MYH10: variants seen among roughly 807,000 people sequenced by gnomAD.
MYH10 encodes myosin heavy chain 10.
In MYH10, 55 loss-of-function variants were observed where a neutral mutation model predicts 257.8. The ratio of observed to expected loss-of-function variants is 0.21; its 90% CI spans 0.17 to 0.27. The LOEUF (loss-of-function observed/expected upper bound fraction) is 0.27, where lower values mean the gene tolerates loss of function less well. Ranked by LOEUF, MYH10 falls within the 10% of genes least tolerant of loss-of-function variation. The probability of loss-of-function intolerance (pLI) is 1.00; values close to 1 mark genes in which losing one functional copy is unlikely to be tolerated. For missense variants in MYH10, 1,631 were observed against 2,500.6 expected (o/e 0.65, Z 7.42); for synonymous variants, 854 against 921.7 (o/e 0.93, Z 1.33).
chr17:8,599,338 T>G (rs2084505504), intron 3 of MYH10, among the ~76,000 whole-genome samples: 1 of 152,218 alleles, frequency 6.6e-6, no homozygotes, highest in African/African-American at 2.4e-5. Flanking sequence ...TTCTTTAATA[T>G]TCTTTTTTTC....
rs2081028202 is a variant in MYH10 at position 8,504,988 on chromosome 17, C to T, written c.3387-82G>A. 8.6e-7 allele frequency: 1 copy of T among 1,167,130 alleles called. No homozygotes were observed. The highest frequency in any genetic ancestry group is 1.3e-5 in the South Asian group (1 of 74,730). The allele number at this position is 1,167,130 out of a possible 1,614,324, so 72.3% of individuals were successfully genotyped here. On this transcript the variant is annotated intron_variant, in intron 27 of 42. Coordinates refer to ENST00000360416, the MANE Select transcript of MYH10 (RefSeq NM_001256012.3). The surrounding 1 kb of genome is among the most constrained non-coding windows in gnomAD (Gnocchi z 5.6). ...TCTCAGGCGAGCCCCAGCCCCTGAG[C>T]ACCTCTCCACGAGACCCCAGCCCCA...
chr17:8,521,192 A>G lies in MYH10; in HGVS notation c.2051T>C (p.Val684Ala), dbSNP rs755696872. 1.9e-6 allele frequency: 3 copies of G among 1,614,118 alleles called. No individual in the cohort carries two copies. Among genetic ancestry groups the G allele is most frequent in the Non-Finnish European group, 1.7e-6 (2 of 1,180,040 alleles). ...YKTKKGMFRT[V>A]GQLYKESLTK... is the part of the protein sequence containing the mutation. Reference sequence around the variant, plus strand: ...GAGAGATTCTTTGTAGAGTTGCCCAACGGTACGAAACATGCCCTTCTTGGT... The same window carrying G: ...GAGAGATTCTTTGTAGAGTTGCCCAGCGGTACGAAACATGCCCTTCTTGGT... Residue 684 changes from valine to alanine, a missense_variant, in exon 18 of 43, where the codon GTT (valine) becomes GCT (alanine). Coordinates refer to ENST00000360416, the MANE Select transcript of MYH10 (RefSeq NM_001256012.3).
chr17:8,593,545 T>G (rs1304850686), intron 3 of MYH10, among the ~76,000 whole-genome samples: 1 of 152,152 alleles, frequency 6.6e-6, no homozygotes, highest in East Asian at 1.9e-4. Flanking sequence ...CAATTTGAAA[T>G]TGAAATTTTG....
In MYH10 at chr17:8,569,806, G is replaced by C; in HGVS notation, c.670C>G (p.Leu224Val). 2 of 1,610,274 alleles carry C rather than the reference G, an allele frequency of 1.2e-6. No homozygotes were observed. The highest frequency in any genetic ancestry group is 1.7e-6 in the Non-Finnish European group (2 of 1,177,764). Residue 224 changes from leucine to valine, a missense_variant, in exon 7 of 43, where the codon CTT becomes GTT. Leu to Val is a conservative substitution (Grantham distance 32, BLOSUM62 1). Coordinates refer to ENST00000360416, the MANE Select transcript of MYH10 (RefSeq NM_001256012.3). This position sits in a 1 kb window ranked among gnomAD's most constrained non-coding sequence, Gnocchi z 4.1. ...TTTGCTTGCAAAAGCTGCCGTTCAA[G>C]TTCCCCCTAAAAGACATTACACACA... ...SPKPVKHQGE[L>V]ERQLLQANPI...
Position 8,499,330 on chromosome 17 carries a change from G to C in MYH10, c.3891C>G (p.Ala1297=). The change falls in exon 30 of 43, where the codon GCC becomes GCG. Residue 1297 remains alanine, a synonymous_variant. Coordinates refer to ENST00000360416, the MANE Select transcript of MYH10 (RefSeq NM_001256012.3). ...KLDAQVQELH[A]KVSEGDRLRV... ...TGAGCCTGTCGCCTTCAGAGACCTT[G>C]GCATGGAGCTCCTGGACCTGCGCGT... 1.2e-6 allele frequency: 2 copies of C among 1,614,054 alleles called. No individual in the cohort carries two copies. Among genetic ancestry groups the C allele is most frequent in the Non-Finnish European group, 1.7e-6 (2 of 1,180,030 alleles).
At chr17:8,500,771 T>C in intron 29 of MYH10, 55 bp downstream of exon 29, 1 of 1,582,748 alleles carries the variant, frequency 6.3e-7, no homozygotes, top group East Asian at 2.2e-5. Context: ...AGGATGGGAG[T>C]GGCTCTGACG....
At chr17:8,614,894 C>A (rs2085197276) in intron 2 of MYH10, among the ~76,000 whole-genome samples, 1 of 152,114 alleles carries the variant, frequency 6.6e-6, no homozygotes, top group African/African-American at 2.4e-5. Context: ...TAAAAGAAAA[C>A]ATGACTATTA....
At chr17:8,511,241 T>C (rs1331458900) in intron 24 of MYH10, 2 of 151,932 alleles carry the variant, frequency 1.3e-5, no homozygotes, top group Admixed American at 6.6e-5. Context: ...AAACCCAGGC[T>C]GGGCGCAGTG....
chr17:8,560,599 G>A lies in MYH10; in HGVS notation c.757-6581C>T, dbSNP rs1201567857. The A allele has an allele frequency of 7.8e-6, 7 of 899,712 alleles. No individual in the cohort carries two copies. In the East Asian group the frequency reaches 2.9e-4, roughly 37 times the overall value. The allele number at this position is 899,712 out of a possible 1,614,324, so 55.7% of individuals were successfully genotyped here. ...AAACTTTCGTGCACTGAGCACTGGA[G>A]GAAAAGGATTTGGTTATAAGGGTTC... On this transcript the variant is annotated intron_variant, in intron 7 of 42. Transcript: ENST00000360416.
chr17:8,549,414 C>T (rs1262676184), intron 9 of MYH10, among the ~76,000 whole-genome samples: 1 of 152,208 alleles, frequency 6.6e-6, no homozygotes, highest in African/African-American at 2.4e-5. Context: ...CCGTAGGAGA[C>T]ATGAATTAAA....
Position 8,577,829 on chromosome 17 carries a change from G to A in MYH10, c.531-491C>T, listed in dbSNP as rs2083555878. 2.0e-5 allele frequency among the ~76,000 whole-genome samples: 3 copies of A among 152,160 alleles called. No homozygotes were observed. In the South Asian group the frequency reaches 6.2e-4, roughly 32 times the overall value. On this transcript the variant is annotated intron_variant, in intron 4 of 42. Coordinates refer to ENST00000360416, the MANE Select transcript of MYH10 (RefSeq NM_001256012.3). ...TTACGGGCCTGAGCCACTGTGCCCA[G>A]CCAACCCAAATATTTCTTGATAGAT...
chr17:8,525,111 C>T (rs576568260), intron 17 of MYH10, among the ~76,000 whole-genome samples: 1 of 152,378 alleles, frequency 6.6e-6, no homozygotes, highest in East Asian at 1.9e-4. Context: ...ACAATGACTT[C>T]ACATTCCATC....
At chr17:8,626,971 A>G (rs926781108) in intron 1 of MYH10, among the ~76,000 whole-genome samples, 1 of 152,198 alleles carries the variant, frequency 6.6e-6, no homozygotes, top group Non-Finnish European at 1.5e-5. Flanking sequence ...AGTAGATTAT[A>G]TATCTTAAAA....
chr17:8,489,733 A>ACACACACACACACT (rs1270210630), intron 35 of MYH10, among the ~76,000 whole-genome samples: 5 of 151,482 alleles, frequency 3.3e-5, no homozygotes, highest in South Asian at 2.1e-4. Context: ...ACACACACAC[A>ACACACACACACACT]CACACACACA....
chr17:8,484,381 C>T (rs2151790749), intron 36 of MYH10, 115 bp from the exon 37 acceptor site: 2 of 939,268 alleles, frequency 2.1e-6, no homozygotes, highest in Non-Finnish European at 3.1e-6. Flanking sequence ...AAACTCAAGG[C>T]CTCAAGCATT....
intron 3 of MYH10, among the ~76,000 whole-genome samples, chr17:8,603,439 T>C (rs1484590309): frequency 6.6e-6 from 1 of 152,214 alleles, no homozygotes; most frequent in Non-Finnish European, 1.5e-5. Flanking sequence ...GAATGATACA[T>C]GTGAGCCTGT....
In MYH10 at chr17:8,554,729, C is replaced by T. The variant is rs537888623; in HGVS notation, c.757-711G>A. Among the ~76,000 whole-genome samples, 488 of 152,330 alleles carry T rather than the reference C, an allele frequency of 3.2e-3. 3 individuals carry two copies. Among genetic ancestry groups the T allele is most frequent in the African/African-American group, 0.011 (467 of 41,590 alleles). On this transcript the variant is annotated intron_variant, in intron 7 of 42. Transcript: ENST00000360416. ...CTTTGGGAGGCCAAGGCAGGTGGAC[C>T]TCCTGAGGTCAGGAGTTCAAGACCA...
At chr17:8,567,612 T>C (rs1015714389) in intron 7 of MYH10, among the ~76,000 whole-genome samples, 1 of 152,042 alleles carries the variant, frequency 6.6e-6, no homozygotes, top group Non-Finnish European at 1.5e-5. Context: ...TACTTCAATA[T>C]AATTGGTGTC....
At chr17:8,547,136 A>G (rs544265851) in intron 11 of MYH10, among the ~76,000 whole-genome samples, 44 of 152,258 alleles carry the variant, frequency 2.9e-4, no homozygotes, top group East Asian at 7.7e-4. Context: ...GACAGCCTAG[A>G]ACTCCTGGGC....
Sources: gnomAD v4.1 joint callset for allele counts (sites outside exome capture counted in the v4.1 genomes callset) on GRCh38, gnomAD v4.1.1 for gene constraint, Gnocchi (gnomAD v3.1) non-coding constraint, MANE v1.5 for transcripts, NCBI Gene and HGNC (gene_info 2026-07-23, HGNC 2026-07-21) for gene names.